The following DYNC2H1 variants were observed in gnomAD, a reference collection of about 807,000 sequenced individuals.
DYNC2H1 encodes the protein dynein cytoplasmic 2 heavy chain 1, also known as cytoplasmic dynein 2 heavy chain 1.
DYNC2H1 carries 410 observed loss-of-function variants against 570.0 expected under a neutral mutation model. The observed-to-expected ratio is 0.72, with a 90% CI of 0.66 to 0.78. DYNC2H1 has a LOEUF of 0.78. DYNC2H1 is among the 30% of genes least tolerant of loss of function. DYNC2H1 has a pLI of 0.00. For missense variants in DYNC2H1, 4,865 were observed against 5,046.4 expected, an observed-to-expected ratio of 0.96 and a Z score of 1.09; for synonymous variants, 1,688 against 1,677.6, an observed-to-expected ratio of 1.01 and a Z score of -0.15.
At chr11:103,394,132 G>T (rs1002732272) in intron 83 of DYNC2H1, among the ~76,000 whole-genome samples, 1 of 152,030 alleles carries the variant, frequency 6.6e-6, no homozygotes, top group Non-Finnish European at 1.5e-5. Context: ...CAACACTTCT[G>T]ATTTAAACAA....
chr11:103,184,491 A>G (rs144783552), intron 40 of DYNC2H1, among the ~76,000 whole-genome samples: 2 of 152,000 alleles, frequency 1.3e-5, no homozygotes, highest in African/African-American at 4.8e-5. Flanking sequence ...TTTGTCATTT[A>G]TGCCTGCTTT....
intron 58 of DYNC2H1, 46 bp from the exon 59 acceptor site, chr11:103,222,919 T>A (rs1441857402): frequency 1.2e-6 from 2 of 1,606,908 alleles, no homozygotes. Flanking sequence ...TTGCTTTCAT[T>A]TGAAATTAAG....
intron 85 of DYNC2H1, among the ~76,000 whole-genome samples, chr11:103,451,326 T>C (rs1032304965): frequency 1.5e-5 from 1 of 65,836 alleles, no homozygotes; most frequent in Non-Finnish European, 3.0e-5. Flanking sequence ...TAAAAGGGCT[T>C]TTTTTTTTTT....
chr11:103,155,410 G>A lies in DYNC2H1; in HGVS notation c.3653G>A (p.Gly1218Glu). The A allele has an allele frequency of 3.7e-6, 6 of 1,611,680 alleles. No homozygotes were observed. Among genetic ancestry groups the A allele is most frequent in the Non-Finnish European group, 4.2e-6 (5 of 1,178,836 alleles). The change falls in exon 25 of 89, where the codon GGA (glycine) becomes GAA (glutamate). Residue 1218 changes from glycine (G) to glutamate (E), a missense_variant. By Grantham distance (98) the Gly-to-Glu change is moderately conservative. Transcript: ENST00000375735. ...DHWLDLFRLL[G>E]LPRGTSLEKL... ...TGGCTTGACCTTTTTCGTCTCCTTG[G>A]ACTTCCTAGGGGGACTAGTCTAGAG...
chr11:103,184,567 GA>G (rs1308714767), intron 40 of DYNC2H1, among the ~76,000 whole-genome samples: 1 of 151,844 alleles, frequency 6.6e-6, no homozygotes, highest in Non-Finnish European at 1.5e-5. Context: ...TTATCAGCAA[GA>G]GGAAATGAAC....
intron 82 of DYNC2H1, among the ~76,000 whole-genome samples, chr11:103,335,016 C>T (rs1291059265): frequency 2.6e-5 from 4 of 152,058 alleles, no homozygotes; most frequent in Non-Finnish European, 5.9e-5. Context: ...TAGCAAAATA[C>T]ATTGCCCATG....
Position 103,192,237 on chromosome 11 carries a change from G to T in DYNC2H1, c.7681G>T (p.Gly2561Cys). Residue 2561 changes from glycine (G) to cysteine (C), a missense_variant, in exon 47 of 89, where the codon GGC (glycine) becomes TGC (cysteine). By Grantham distance (159) the Gly-to-Cys change is radical. Around this residue, in one of 5 missense-constraint regions of DYNC2H1, gnomAD observed 2,401 missense variants for 2,454.6 expected, o/e 0.98. Coordinates refer to ENST00000375735, the MANE Select transcript of DYNC2H1 (RefSeq NM_001377.3). ...ILTSVFQGDW[G>C]SDILDNMSDS... ...AACATCAGTGTTTCAAGGAGATTGG[G>T]GCTCAGACATATTAGACAATATGTC... 6.3e-7 allele frequency: 1 copy of T among 1,576,966 alleles called. No individual in the cohort carries two copies. The highest frequency in any genetic ancestry group is 1.2e-5 in the South Asian group (1 of 83,550).
rs2135116127 is a variant in DYNC2H1, at chr11:103,209,841, T to C, written c.8455-35T>C. On this transcript the variant is annotated intron_variant, in intron 52 of 88. Coordinates refer to ENST00000375735, the MANE Select transcript of DYNC2H1 (RefSeq NM_001377.3). This position sits in a 1 kb window ranked among gnomAD's most constrained non-coding sequence, Gnocchi z 4.2. ...TTTTTAACTTATGATATGGGACTTATACTCTTTCATAGTGATATTCTTTTT... is the reference window on the plus strand; with the variant it reads ...TTTTTAACTTATGATATGGGACTTACACTCTTTCATAGTGATATTCTTTTT... The C allele has an allele frequency of 1.4e-6, 2 of 1,409,388 alleles. No individual in the cohort carries two copies. Among genetic ancestry groups the C allele is most frequent in the Non-Finnish European group, 9.3e-7 (1 of 1,075,944 alleles). The allele number at this position is 1,409,388 out of a possible 1,614,324, so 87.3% of individuals were successfully genotyped here.
chr11:103,174,248 G>A (rs11225579), intron 36 of DYNC2H1, 78 bp downstream of exon 36: 1 of 1,272,558 alleles, frequency 7.9e-7, no homozygotes, highest in Non-Finnish European at 1.1e-6. Context: ...GAGATTTACA[G>A]AAAAGTTGTA....
At chr11:103,315,219 C>G (rs915527853) in intron 79 of DYNC2H1, among the ~76,000 whole-genome samples, 2 of 152,010 alleles carry the variant, frequency 1.3e-5, no homozygotes, top group African/African-American at 4.8e-5. Context: ...TCAAACATGT[C>G]TGAAAATTCA....
chr11:103,460,024 C>T (rs1482469187), intron 87 of DYNC2H1, among the ~76,000 whole-genome samples: 1 of 144,120 alleles, frequency 6.9e-6, no homozygotes, highest in African/African-American at 2.6e-5. Flanking sequence ...TTAATTTTGT[C>T]GTTTTGTTTT....
chr11:103,135,251 C>A (rs1859477397), intron 15 of DYNC2H1, among the ~76,000 whole-genome samples: 1 of 151,932 alleles, frequency 6.6e-6, no homozygotes, highest in Non-Finnish European at 1.5e-5. Flanking sequence ...TTAATATTTG[C>A]TTGGTTTTTA....
At chr11:103,218,271 G>A (rs1863458595) in intron 55 of DYNC2H1, among the ~76,000 whole-genome samples, 1 of 152,132 alleles carries the variant, frequency 6.6e-6, no homozygotes, top group South Asian at 2.1e-4. Context: ...ACACTTAAGC[G>A]AAAACAGCCA....
Position 103,205,493 on chromosome 11 carries a change from C to A in DYNC2H1, c.8454+529C>A, listed in dbSNP as rs960084892. 2.6e-5 allele frequency among the ~76,000 whole-genome samples: 4 copies of A among 152,162 alleles called. No individual in the cohort carries two copies. The highest frequency in any genetic ancestry group is 4.4e-5 in the Non-Finnish European group (3 of 67,996). On this transcript the variant is annotated intron_variant, in intron 52 of 88. Transcript: ENST00000375735. The surrounding 1 kb of genome is among the most constrained non-coding windows in gnomAD (Gnocchi z 4.5). ...TCTATAAGAGAAGTATAGTTTAATG[C>A]CTGCCATGATTCAGAGTAAGGAGTG...
chr11:103,437,084 T>G (rs182346265), intron 85 of DYNC2H1, among the ~76,000 whole-genome samples: 2 of 152,232 alleles, frequency 1.3e-5, no homozygotes, highest in East Asian at 3.9e-4. Context: ...CATAGTGATG[T>G]TCTTCACTCT....
rs552195842 is a variant in DYNC2H1 at position 103,434,679 on chromosome 11, T to A, written c.12367-1264T>A. The stretch of plus-strand genomic sequence containing the variant: ...CTTACTGGCTTAAAATAATGTTTTT[T>A]AAAAATCATTTATTTTTAGCTTAAA... On this transcript the variant is annotated intron_variant, in intron 84 of 88. Transcript: ENST00000375735. Among the ~76,000 whole-genome samples the A allele has an allele frequency of 5.3e-5, 8 of 152,206 alleles. No homozygotes were observed. The East Asian group carries it at 1.5e-3, about 29-fold the overall frequency.
intron 83 of DYNC2H1, among the ~76,000 whole-genome samples, chr11:103,358,670 C>G (rs923678028): frequency 2.6e-5 from 4 of 152,088 alleles, no homozygotes; most frequent in Non-Finnish European, 5.9e-5. Flanking sequence ...GGCTATGCTT[C>G]TTGTAACAGT....
At chr11:103,429,614 T>A (rs1313601399) in intron 84 of DYNC2H1, among the ~76,000 whole-genome samples, 41 of 152,230 alleles carry the variant, frequency 2.7e-4, no homozygotes, top group Admixed American at 2.6e-3. Context: ...TAGTAAGGGC[T>A]CTCTTATTGT....
rs937625844 is a variant in DYNC2H1 at position 103,399,712 on chromosome 11, G to A, written c.12206G>A (p.Gly4069Glu). 10 of 1,613,508 alleles carry A rather than the reference G, an allele frequency of 6.2e-6. No individual in the cohort carries two copies. The highest frequency in any genetic ancestry group is 1.1e-5 in the South Asian group (1 of 91,010). The change falls in exon 84 of 89, where the codon GGA becomes GAA. Residue 4069 changes from glycine (G) to glutamate (E), a missense_variant. By Grantham distance (98) the Gly-to-Glu change is moderately conservative. This residue lies in a region of DYNC2H1 where 2,401 missense variants were observed against 2,454.6 expected (regional missense o/e 0.98). Coordinates refer to ENST00000375735, the MANE Select transcript of DYNC2H1 (RefSeq NM_001377.3). Reference sequence around the variant, plus strand: ...GTGCCTCCTCCTAACGATCGACAAGGATCTCCAATACTGTCATTCATCATT... The same window carrying A: ...GTGCCTCCTCCTAACGATCGACAAGAATCTCCAATACTGTCATTCATCATT... Reference protein sequence around the residue: ...QKVPPPNDRQGSPILSFIILE... With the variant: ...QKVPPPNDRQESPILSFIILE...
Sources: gnomAD v4.1 joint callset for allele counts (sites outside exome capture counted in the v4.1 genomes callset) on GRCh38, gnomAD v4.1.1 for gene constraint, gnomAD v4.1.1 regional missense constraint, Gnocchi (gnomAD v3.1) non-coding constraint, MANE v1.5 for transcripts, NCBI Gene and HGNC (gene_info 2026-07-23, HGNC 2026-07-21) for gene names.